PCDHB14: variants seen among roughly 807,000 people sequenced by gnomAD.
The protein encoded by PCDHB14 is protocadherin beta 14, also known as protocadherin beta-14.
For missense variants in PCDHB14, 1,129 were observed against 1,000.5 expected (o/e 1.13, Z -1.73); for synonymous variants, 511 against 441.5 (o/e 1.16, Z -1.97).
chr5:141,224,182 CTT>C lies in PCDHB14; in HGVS notation c.679_680del (p.Leu227GlyfsTer10). ...GGATCCCCGCCCAAGTCTGGGACAACTTTGGTTCTCATCAAGGTGTTGGACAT... is the reference window on the plus strand; with the variant it reads ...GGATCCCCGCCCAAGTCTGGGACAACTGGTTCTCATCAAGGTGTTGGACAT... On this transcript the variant is annotated frameshift_variant, in exon 1 of 1. Transcript: ENST00000239449. LOFTEE classifies it low-confidence loss of function (END_TRUNC). 6.2e-7 allele frequency: 1 copy of C among 1,614,068 alleles called. No individual in the cohort carries two copies. The highest frequency in any genetic ancestry group is 8.5e-7 in the Non-Finnish European group (1 of 1,180,022).
Position 141,224,470 on chromosome 5 carries a change from C to A in PCDHB14, c.965C>A (p.Thr322Lys). ...IQSYTINIQA[T>K]DGGGLSGKCT... is the part of the protein sequence containing the mutation. ...TCCTACACTATAAATATTCAGGCAA[C>A]AGATGGTGGGGGTCTTTCAGGAAAA... The change falls in exon 1 of 1, where the codon ACA becomes AAA. Residue 322 changes from threonine (T) to lysine (K), a missense_variant. Coordinates refer to ENST00000239449, the MANE Select transcript of PCDHB14 (RefSeq NM_018934.4). 6.2e-7 allele frequency: 1 copy of A among 1,612,864 alleles called. No individual in the cohort carries two copies. The highest frequency in any genetic ancestry group is 8.5e-7 in the Non-Finnish European group (1 of 1,179,556).
chr5:141,224,761 T>C lies in PCDHB14; in HGVS notation c.1256T>C (p.Ile419Thr). 1 of 1,614,084 alleles carries C rather than the reference T, an allele frequency of 6.2e-7. No individual in the cohort carries two copies. The highest frequency in any genetic ancestry group is 8.5e-7 in the Non-Finnish European group (1 of 1,180,018). ...AGAGAGAGCCAAGCCGAGTACAACA[T>C]CACGATCACCGTCACAGACTTGGGG... ...LDRESQAEYN[I>T]TITVTDLGTP... The change falls in exon 1 of 1, where the codon ATC becomes ACC. Residue 419 changes from isoleucine to threonine, a missense_variant. Ile to Thr is a moderately conservative substitution (Grantham distance 89). Transcript: ENST00000239449.
rs782591279 is a variant in PCDHB14, at chr5:141,225,639, C to A, written c.2134C>A (p.Arg712=). The part of the protein sequence containing the change: ...LFSVLLFVAV[R]LCRRSRAASV... ...CTCGGTGCTCCTGTTCGTGGCGGTG[C>A]GGCTGTGCAGGAGGAGCAGGGCGGC... is the stretch of plus-strand genomic sequence containing the variant. The change falls in exon 1 of 1, where the codon CGG becomes AGG. Residue 712 remains arginine, a synonymous_variant. Coordinates refer to ENST00000239449, the MANE Select transcript of PCDHB14 (RefSeq NM_018934.4). 2.5e-6 allele frequency: 4 copies of A among 1,613,188 alleles called. No individual in the cohort carries two copies. The highest frequency in any genetic ancestry group is 1.3e-5 in the African/African-American group (1 of 74,922).
chr5:141,225,129 A>G lies in PCDHB14; in HGVS notation c.1624A>G (p.Ser542Gly). The G allele has an allele frequency of 1.9e-6, 3 of 1,611,806 alleles. No homozygotes were observed. Among genetic ancestry groups the G allele is most frequent in the Non-Finnish European group, 2.5e-6 (3 of 1,179,792 alleles). The part of the protein sequence containing the change: ...GATDRGSPAL[S>G]SEALVRVLVL... ...CACAGACCGCGGGTCCCCGGCGTTG[A>G]GCAGCGAGGCGCTGGTGCGCGTGCT... Residue 542 changes from serine to glycine, a missense_variant, in exon 1 of 1, where the codon AGC becomes GGC. Transcript: ENST00000239449.
chr5:141,225,862 T>C lies in PCDHB14; in HGVS notation c.2357T>C (p.Ile786Thr). Residue 786 changes from isoleucine (I) to threonine (T), a missense_variant, in exon 1 of 1, where the codon ATC (isoleucine) becomes ACC (threonine). Coordinates refer to ENST00000239449, the MANE Select transcript of PCDHB14 (RefSeq NM_018934.4). ...VHDTGRNMGE[I>T]ENFRNSFGLN... Reference sequence around the variant, plus strand: ...GACACTGGTAGGAATATGGGGGAAATCGAGAACTTTCGAAATAGCTTTGGA... The same window carrying C: ...GACACTGGTAGGAATATGGGGGAAACCGAGAACTTTCGAAATAGCTTTGGA... 6.2e-7 allele frequency: 1 copy of C among 1,613,970 alleles called. No homozygotes were observed.
Position 141,224,222 on chromosome 5 carries a change from C to T in PCDHB14, c.717C>T (p.Ala239=), listed in dbSNP as rs59600730. The T allele has an allele frequency of 4.0e-3, 6,423 of 1,613,628 alleles. 216 individuals are homozygous for T. The African/African-American group carries it at 0.075, about 19-fold the overall frequency. The change falls in exon 1 of 1, where the codon GCC becomes GCT. Residue 239 remains alanine (A), a synonymous_variant. Transcript: ENST00000239449. ...LIKVLDINDN[A]PEFPQSLYEV... is the part of the protein sequence containing the mutation. ...AGGTGTTGGACATCAATGATAATGC[C>T]CCTGAGTTTCCTCAGAGTCTCTATG... is the stretch of plus-strand genomic sequence containing the variant.
Position 141,223,708 on chromosome 5 carries a change from C to G in PCDHB14, c.203C>G (p.Ser68Cys). 6.2e-7 allele frequency: 1 copy of G among 1,614,036 alleles called. No homozygotes were observed. Among genetic ancestry groups the G allele is most frequent in the Non-Finnish European group, 8.5e-7 (1 of 1,180,004 alleles). Residue 68 changes from serine (S) to cysteine (C), a missense_variant, in exon 1 of 1, where the codon TCT becomes TGT. Transcript: ENST00000239449. ...ELSSREARVV[S>C]DDNKKYLHLD... ...TCTTCACGTGAAGCCCGGGTAGTGTCTGATGATAATAAAAAGTATTTGCAC... is the reference window on the plus strand; with the variant it reads ...TCTTCACGTGAAGCCCGGGTAGTGTGTGATGATAATAAAAAGTATTTGCAC...
Position 141,226,562 on chromosome 5 carries a change from T to C in PCDHB14, c.*660T>C, listed in dbSNP as rs1409704782. 6.6e-6 allele frequency: 1 copy of C among 152,218 alleles called. No individual in the cohort carries two copies. The highest frequency in any genetic ancestry group is 1.9e-4 in the East Asian group (1 of 5,196). 9.4% of individuals were successfully genotyped at this position (152,218 alleles called of 1,614,324 possible). A position where few individuals can be genotyped will look rare whatever the true frequency, so the allele number is the denominator to read the frequency against. On this transcript the variant is annotated 3_prime_UTR_variant, in exon 1 of 1. Coordinates refer to ENST00000239449, the MANE Select transcript of PCDHB14 (RefSeq NM_018934.4). ...CTGTCACTCTTTGGTTTTCTTAATT[T>C]AATTCTATTTATTTATGTTTTTTGA...
chr5:141,223,662 G>A lies in PCDHB14; in HGVS notation c.157G>A (p.Gly53Arg), dbSNP rs782010320. The change falls in exon 1 of 1, where the codon GGG (glycine) becomes AGG (arginine). Residue 53 changes from glycine (G) to arginine (R), a missense_variant. Transcript: ENST00000239449. ...SFVANLARDL[G>R]LGVEELSSRE... ...TGTGGCTAATCTAGCGAGGGACCTA[G>A]GGCTGGGGGTGGAGGAGCTGTCTTC... 1 of 1,614,168 alleles carries A rather than the reference G, an allele frequency of 6.2e-7. No individual in the cohort carries two copies. The highest frequency in any genetic ancestry group is 8.5e-7 in the Non-Finnish European group (1 of 1,180,038).
Position 141,224,778 on chromosome 5 carries a change from G to A in PCDHB14, c.1273G>A (p.Asp425Asn). 6.2e-7 allele frequency: 1 copy of A among 1,614,138 alleles called. No individual in the cohort carries two copies. Among genetic ancestry groups the A allele is most frequent in the Non-Finnish European group, 8.5e-7 (1 of 1,180,032 alleles). Residue 425 changes from aspartate (D) to asparagine (N), a missense_variant, in exon 1 of 1, where the codon GAC becomes AAC. By Grantham distance (23) the Asp-to-Asn change is conservative. Coordinates refer to ENST00000239449, the MANE Select transcript of PCDHB14 (RefSeq NM_018934.4). Reference protein sequence around the residue: ...AEYNITITVTDLGTPRLKTEY... With the variant: ...AEYNITITVTNLGTPRLKTEY... ...GTACAACATCACGATCACCGTCACA[G>A]ACTTGGGGACACCCAGGCTGAAAAC...
chr5:141,224,954 C>T lies in PCDHB14; in HGVS notation c.1449C>T (p.Asn483=), dbSNP rs781800481. ...VSATDRDSGT[N]AQVNYSLLPP... ...CCACAGACAGAGACTCAGGCACCAA[C>T]GCCCAGGTCAACTACTCGCTGCTGC... The change falls in exon 1 of 1, where the codon AAC becomes AAT. Residue 483 remains asparagine (N), a synonymous_variant. Transcript: ENST00000239449. The T allele has an allele frequency of 2.5e-6, 4 of 1,612,676 alleles. No individual in the cohort carries two copies. Among genetic ancestry groups the T allele is most frequent in the East Asian group, 2.2e-5 (1 of 44,884 alleles).
Position 141,226,424 on chromosome 5 carries a change from G to A in PCDHB14, c.*522G>A, listed in dbSNP as rs1554289652. 6.5e-6 allele frequency: 1 copy of A among 152,814 alleles called. No individual in the cohort carries two copies. Among genetic ancestry groups the A allele is most frequent in the African/African-American group, 2.4e-5 (1 of 41,416 alleles). The allele number at this position is 152,814 out of a possible 1,614,324, so 9.5% of individuals were successfully genotyped here. On this transcript the variant is annotated 3_prime_UTR_variant, in exon 1 of 1. Coordinates refer to ENST00000239449, the MANE Select transcript of PCDHB14 (RefSeq NM_018934.4). Reference sequence around the variant, plus strand: ...GTTTTTCAAATATTTACTTTATGATGAAACTTAAGTGGTCACATTGGAAAT... The same window carrying A: ...GTTTTTCAAATATTTACTTTATGATAAAACTTAAGTGGTCACATTGGAAAT...
At position 141,226,174 on chromosome 5, in the gene PCDHB14, T is replaced by C. The variant is rs1263689023; in HGVS notation, c.*272T>C. ...GTGATAATGGTATTATGCAAGACCA[T>C]ATTCTCAATTATTTGGATATGCAAA... On this transcript the variant is annotated 3_prime_UTR_variant, in exon 1 of 1. Coordinates refer to ENST00000239449, the MANE Select transcript of PCDHB14 (RefSeq NM_018934.4). 2 of 363,132 alleles carry C rather than the reference T, an allele frequency of 5.5e-6. No homozygotes were observed. Among genetic ancestry groups the C allele is most frequent in the Non-Finnish European group, 1.0e-5 (2 of 194,436 alleles). 22.5% of individuals were successfully genotyped at this position (363,132 alleles called of 1,614,324 possible). A position where few individuals can be genotyped will look rare whatever the true frequency, so the allele number is the denominator to read the frequency against.
In PCDHB14 at chr5:141,224,295, A is replaced by T; in HGVS notation, c.790A>T (p.Ile264Phe). The T allele has an allele frequency of 6.2e-7, 1 of 1,614,170 alleles. No homozygotes were observed. Among genetic ancestry groups the T allele is most frequent in the Non-Finnish European group, 8.5e-7 (1 of 1,180,022 alleles). ...ACCCCTTGGCTCCTGGATTGCCACC[A>T]TCTCAGCTAAGGATCTGGATGCAGG... ...DRPLGSWIAT[I>F]SAKDLDAGNY... Residue 264 changes from isoleucine (I) to phenylalanine (F), a missense_variant, in exon 1 of 1, where the codon ATC becomes TTC. Transcript: ENST00000239449.
rs371729402 is a variant in PCDHB14, at chr5:141,225,802, T to A, written c.2297T>A (p.Phe766Tyr). ...TGGSGTNEFK[F>Y]LKPIIPNFQV... ...GGTTCCGGGACAAATGAGTTCAAAT[T>A]TCTGAAGCCGATTATCCCCAATTTT... The change falls in exon 1 of 1, where the codon TTT becomes TAT. Residue 766 changes from phenylalanine (F) to tyrosine (Y), a missense_variant. By Grantham distance (22) the Phe-to-Tyr change is conservative. Coordinates refer to ENST00000239449, the MANE Select transcript of PCDHB14 (RefSeq NM_018934.4). 29 of 1,614,074 alleles carry A rather than the reference T, an allele frequency of 1.8e-5. No homozygotes were observed. The highest frequency in any genetic ancestry group is 2.3e-5 in the Non-Finnish European group (27 of 1,180,042).
In PCDHB14 at chr5:141,224,556, T is replaced by C; in HGVS notation, c.1051T>C (p.Ser351Pro). ...CAACCCACCAGAAGTGACCATATCG[T>C]CGATTACAAAGAGAATTCCAGAGAA... ...NDNPPEVTIS[S>P]ITKRIPENAS... The change falls in exon 1 of 1, where the codon TCG becomes CCG. Residue 351 changes from serine (S) to proline (P), a missense_variant. By Grantham distance (74) the Ser-to-Pro change is moderately conservative (BLOSUM62 -1). Transcript: ENST00000239449. 5 of 1,612,762 alleles carry C rather than the reference T, an allele frequency of 3.1e-6. No homozygotes were observed. Among genetic ancestry groups the C allele is most frequent in the Non-Finnish European group, 4.2e-6 (5 of 1,179,662 alleles).
In PCDHB14 at chr5:141,225,426, G is replaced by C; in HGVS notation, c.1921G>C (p.Val641Leu). Residue 641 changes from valine to leucine, a missense_variant, in exon 1 of 1, where the codon GTG becomes CTG. By Grantham distance (32) the Val-to-Leu change is conservative. Coordinates refer to ENST00000239449, the MANE Select transcript of PCDHB14 (RefSeq NM_018934.4). ...GCGCGACGCGGCCAAGCACAGGCTG[G>C]TGGTGCTGGTCAAGGACAATGGCGA... is the stretch of plus-strand genomic sequence containing the variant. ...SERDAAKHRL[V>L]VLVKDNGEPP... 2 of 1,604,504 alleles carry C rather than the reference G, an allele frequency of 1.2e-6. No individual in the cohort carries two copies. The highest frequency in any genetic ancestry group is 2.3e-4 in the Middle Eastern group (1 of 4,440).
chr5:141,223,854 T>C lies in PCDHB14; in HGVS notation c.349T>C (p.Phe117Leu). Residue 117 changes from phenylalanine to leucine, a missense_variant, in exon 1 of 1, where the codon TTT becomes CTT. Transcript: ENST00000239449. The part of the protein sequence containing the change: ...QVVLENPLQF[F>L]RFELCVKDIN... ...GGTTTTGGAAAACCCTTTACAGTTT[T>C]TTCGGTTTGAGCTGTGTGTCAAAGA... 1 of 1,613,354 alleles carries C rather than the reference T, an allele frequency of 6.2e-7. No homozygotes were observed. The highest frequency in any genetic ancestry group is 8.5e-7 in the Non-Finnish European group (1 of 1,179,758).
rs544270297 is a variant in PCDHB14 at position 141,224,672 on chromosome 5, C to A, written c.1167C>A (p.Leu389=). ...TGATTTGCTCTATTCAAGATAACCTCCCTTTTTTCCTGAAACCGACCTTCA... is the reference window on the plus strand; with the variant it reads ...TGATTTGCTCTATTCAAGATAACCTACCTTTTTTCCTGAAACCGACCTTCA... ...GRMICSIQDN[L]PFFLKPTFKN... Residue 389 remains leucine, a synonymous_variant, in exon 1 of 1, where the codon CTC becomes CTA. Transcript: ENST00000239449. 3.6e-5 allele frequency: 58 copies of A among 1,614,156 alleles called. 1 individual carries two copies. Among genetic ancestry groups the A allele is most frequent in the Middle Eastern group, 3.3e-4 (2 of 6,060 alleles).
Sources: allele counts gnomAD v4.1 joint callset, GRCh38; gene constraint gnomAD v4.1.1; transcripts MANE v1.5; gene names NCBI Gene and HGNC (gene_info 2026-07-23, HGNC 2026-07-21).